The following STXBP4 variants were observed in gnomAD, a reference collection of about 807,000 sequenced individuals.
STXBP4 encodes the protein syntaxin binding protein 4, also known as syntaxin-binding protein 4.
Under a neutral mutation model 76.1 loss-of-function variants are expected in STXBP4, and 55 were observed. That is an observed-to-expected ratio of 0.72 (90% CI 0.58 to 0.91). The LOEUF (loss-of-function observed/expected upper bound fraction) is 0.91. Ranked by LOEUF, STXBP4 falls within the 40% of genes least tolerant of loss-of-function variation. The pLI, the probability that STXBP4 is intolerant of heterozygous loss-of-function variation, is 0.00. For synonymous variants in STXBP4, 201 were observed against 220.2 expected (o/e 0.91, Z 0.77); for missense variants, 618 against 636.9 (o/e 0.97, Z 0.32).
At chr17:54,992,293 C>T (rs1230362108) in intron 4 of STXBP4, among the ~76,000 whole-genome samples, 1 of 151,176 alleles carries the variant, frequency 6.6e-6, no homozygotes, top group Admixed American at 6.6e-5. Flanking sequence ...TGTTGCATGC[C>T]AGTAGTCCCA....
At chr17:55,173,861 G>A (rs891557737), downstream of STXBP4, among the ~76,000 whole-genome samples, 51 of 152,156 alleles carry the variant, frequency 3.4e-4, no homozygotes, top group Admixed American at 8.5e-4. Context: ...TCTGGTGGCC[G>A]TCAGAGAGAA....
the STXBP4 span, among the ~76,000 whole-genome samples, chr17:55,192,437 T>G: frequency 1.3e-5 from 2 of 152,168 alleles, no homozygotes; most frequent in South Asian, 4.1e-4. Flanking sequence ...TGTGCTCAAT[T>G]TGAAAGTTGT....
intron 12 of STXBP4, among the ~76,000 whole-genome samples, chr17:55,069,020 T>G (rs1399627998): frequency 6.6e-6 from 1 of 152,042 alleles, no homozygotes; most frequent in African/African-American, 2.4e-5. Context: ...CTACAAAGAT[T>G]TTCATTAGTT....
chr17:55,052,916 C>CGTGT (rs59163531), intron 12 of STXBP4, among the ~76,000 whole-genome samples: 5,602 of 95,594 alleles, frequency 0.059, 264 homozygotes, highest in African/African-American at 0.13. Flanking sequence ...ACGTGTATGA[C>CGTGT]GTGTGTGTGT....
chr17:55,027,366 T>G (rs984795633), intron 8 of STXBP4, among the ~76,000 whole-genome samples: 1 of 152,096 alleles, frequency 6.6e-6, no homozygotes, highest in Non-Finnish European at 1.5e-5. Context: ...TTGAGTATCA[T>G]AAGGCAAGCA....
chr17:55,121,362 A>G (rs2079841866), intron 16 of STXBP4, among the ~76,000 whole-genome samples: 1 of 152,136 alleles, frequency 6.6e-6, no homozygotes, highest in Non-Finnish European at 1.5e-5. Context: ...GTTGGGGTGA[A>G]TGGGAGATAA....
chr17:54,989,055 C>T (rs928775876), intron 3 of STXBP4, among the ~76,000 whole-genome samples: 10 of 152,174 alleles, frequency 6.6e-5, no homozygotes, highest in African/African-American at 2.2e-4. Flanking sequence ...AGAATTTCTA[C>T]GGCAGAAGCT....
At chr17:55,116,564 T>C (rs1477903340) in intron 16 of STXBP4, among the ~76,000 whole-genome samples, 1 of 151,828 alleles carries the variant, frequency 6.6e-6, no homozygotes, top group Non-Finnish European at 1.5e-5. Flanking sequence ...GCTTTCTGTC[T>C]AGTGGTTACC....
chr17:55,197,797 G>A, the STXBP4 span, among the ~76,000 whole-genome samples: 3 of 151,996 alleles, frequency 2.0e-5, no homozygotes, highest in Non-Finnish European at 4.4e-5. Flanking sequence ...ACAGAACAAA[G>A]CATTGTTGGG....
At position 55,170,938 on chromosome 17, in the gene STXBP4, G is replaced by A. The variant is rs180973285; in HGVS notation, c.*11027G>A. 2.4e-4 allele frequency: 36 copies of A among 152,196 alleles called. No individual in the cohort carries two copies. The highest frequency in any genetic ancestry group is 8.0e-4 in the African/African-American group (33 of 41,434). 9.4% of individuals were successfully genotyped at this position (152,196 alleles called of 1,614,324 possible). ...AGGGCCAAGTTTCATGACAGAGAAAGACTGGGGCCAATTCTGTGATTATGG... is the reference window on the plus strand; with the variant it reads ...AGGGCCAAGTTTCATGACAGAGAAAAACTGGGGCCAATTCTGTGATTATGG... On this transcript the variant is annotated 3_prime_UTR_variant, in exon 18 of 18. Coordinates refer to ENST00000376352, the MANE Select transcript of STXBP4 (RefSeq NM_178509.6).
At chr17:55,155,478 T>G (rs244285) in intron 17 of STXBP4, among the ~76,000 whole-genome samples, 128,552 of 151,488 alleles carry the variant, frequency 0.85, 55,048 homozygotes, top group African/African-American at 0.94. Context: ...TTGTTTTCTG[T>G]TTTATATAAA....
chr17:54,990,922 A>T lies in STXBP4; in HGVS notation c.145A>T (p.Ile49Phe). 6.3e-7 allele frequency: 1 copy of T among 1,599,530 alleles called. No homozygotes were observed. The stretch of plus-strand genomic sequence containing the variant: ...CCGGAATGAAGGCCCATTGGTATAT[A>T]TTCAGGAAATTATTCCTGGAGGAGA... ...INRNEGPLVY[I>F]QEIIPGGDCY... The change falls in exon 4 of 18, where the codon ATT (isoleucine) becomes TTT (phenylalanine). Residue 49 changes from isoleucine to phenylalanine, a missense_variant. By Grantham distance (21) the Ile-to-Phe change is conservative (BLOSUM62 0). Transcript: ENST00000376352.
At chr17:55,090,979 G>A (rs1484770) in intron 16 of STXBP4, among the ~76,000 whole-genome samples, 45,406 of 151,766 alleles carry the variant, frequency 0.3, 7,093 homozygotes, top group African/African-American at 0.35. Context: ...AAGCTTCAGA[G>A]ATTTCACAGA....
At chr17:55,179,228 G>C in the STXBP4 span, among the ~76,000 whole-genome samples, 1 of 152,006 alleles carries the variant, frequency 6.6e-6, no homozygotes, top group Non-Finnish European at 1.5e-5. Context: ...CTACCACTGG[G>C]ACTATTTAAT....
intron 8 of STXBP4, among the ~76,000 whole-genome samples, chr17:55,014,733 T>C (rs1319552069): frequency 2.0e-5 from 3 of 152,194 alleles, no homozygotes; most frequent in African/African-American, 7.2e-5. Context: ...CTTCCAGTGA[T>C]TCCCTTGACA....
intron 17 of STXBP4, among the ~76,000 whole-genome samples, chr17:55,144,213 T>C (rs921789649): frequency 3.9e-5 from 6 of 152,178 alleles, no homozygotes; most frequent in Non-Finnish European, 8.8e-5. Flanking sequence ...TTCCAGAGAT[T>C]AAAAAAGTCA....
In STXBP4 at chr17:55,172,477, A is replaced by G. The variant is rs1265893589; in HGVS notation, c.*12566A>G. 1 of 152,248 alleles carries G rather than the reference A, an allele frequency of 6.6e-6. No homozygotes were observed. The highest frequency in any genetic ancestry group is 2.4e-5 in the African/African-American group (1 of 41,464). 9.4% of individuals were successfully genotyped at this position (152,248 alleles called of 1,614,324 possible). A position where few individuals can be genotyped will look rare whatever the true frequency, so the allele number is the denominator to read the frequency against. On this transcript the variant is annotated 3_prime_UTR_variant, in exon 18 of 18. Coordinates refer to ENST00000376352, the MANE Select transcript of STXBP4 (RefSeq NM_178509.6). Reference sequence around the variant, plus strand: ...GGATGCATATATTCTTATAGCCTCAAAACTGAAACTGCAAACTGAACAATG... The same window carrying G: ...GGATGCATATATTCTTATAGCCTCAGAACTGAAACTGCAAACTGAACAATG...
intron 8 of STXBP4, among the ~76,000 whole-genome samples, chr17:55,010,448 T>C (rs986329715): frequency 6.6e-6 from 1 of 152,118 alleles, no homozygotes; most frequent in African/African-American, 2.4e-5. Flanking sequence ...GAGAATGATT[T>C]AATATACAGA....
At chr17:55,138,151 G>A (rs1857692692) in intron 16 of STXBP4, among the ~76,000 whole-genome samples, 1 of 151,562 alleles carries the variant, frequency 6.6e-6, no homozygotes, top group African/African-American at 2.4e-5. Context: ...TATTTTTTTT[G>A]TAGAACTTAT....
Sources: allele counts gnomAD v4.1 joint callset (sites outside exome capture counted in the v4.1 genomes callset), GRCh38; gene constraint gnomAD v4.1.1; transcripts MANE v1.5; gene names NCBI Gene and HGNC (gene_info 2026-07-23, HGNC 2026-07-21).